Variants in FXR1 observed in about 807,000 individuals in gnomAD.
FXR1 encodes the protein RNA-binding protein FXR1.
FXR1 carries 15 observed loss-of-function variants against 84.0 expected under a neutral mutation model. The ratio of observed to expected loss-of-function variants is 0.18; its 90% CI spans 0.12 to 0.27. The LOEUF is 0.27. Among genes scored for constraint, FXR1 ranks in the 10% least tolerant of loss-of-function variants. The probability of loss-of-function intolerance (pLI) is 1.00; values close to 1 mark genes in which losing one functional copy is unlikely to be tolerated. For synonymous variants in FXR1, 245 were observed against 250.7 expected (o/e 0.98, Z 0.21); for missense variants, 480 against 774.4 (o/e 0.62, Z 4.51).
chr3:180,942,537 G>A (rs1721251490), intron 3 of FXR1, among the ~76,000 whole-genome samples: 1 of 152,068 alleles, frequency 6.6e-6, no homozygotes, highest in African/African-American at 2.4e-5. Flanking sequence ...TTTGACTTGG[G>A]ATCATTTGGT....
intron 9 of FXR1, among the ~76,000 whole-genome samples, chr3:180,954,976 T>C (rs1338708019): frequency 6.7e-6 from 1 of 150,314 alleles, no homozygotes; most frequent in Non-Finnish European, 1.5e-5. Flanking sequence ...TTAGTATTTA[T>C]GTAAAAATAA....
rs56345724 is a variant in FXR1, at chr3:180,970,383, A to AATATATAT, written c.1603+57_1603+64dup. On this transcript the variant is annotated intron_variant, in intron 15 of 16. Transcript: ENST00000357559. ...GGTATGTAAGCACTTAGGGAAGAGA[A>AATATATAT]ATATATATATATATATATATATATA... 5.5e-3 allele frequency: 2,039 copies of AATATATAT among 368,030 alleles called. 55 individuals carry two copies. The highest frequency in any genetic ancestry group is 0.013 in the African/African-American group (420 of 32,984). The allele number at this position is 368,030 out of a possible 1,614,324, so 22.8% of individuals were successfully genotyped here.
chr3:180,967,508 C>T (rs1712986460), intron 13 of FXR1, among the ~76,000 whole-genome samples: 1 of 151,128 alleles, frequency 6.6e-6, no homozygotes, highest in Non-Finnish European at 1.5e-5. Flanking sequence ...CCCAAATCAG[C>T]AGAAACATTT....
intron 1 of FXR1, among the ~76,000 whole-genome samples, chr3:180,928,453 A>C (rs1719490284): frequency 6.8e-6 from 1 of 146,346 alleles, no homozygotes; most frequent in African/African-American, 2.5e-5. Flanking sequence ...CCAAACACAT[A>C]CACACTGTTA....
chr3:180,951,439 G>A lies in FXR1; in HGVS notation c.772G>A (p.Asp258Asn), dbSNP rs1402140994. The A allele has an allele frequency of 6.2e-7, 1 of 1,613,534 alleles. No individual in the cohort carries two copies. The highest frequency in any genetic ancestry group is 1.7e-5 in the Admixed American group (1 of 60,002). ...PGVTAIELDE[D>N]TGTFRIYGES... ...AGTTACCGCCATTGAGCTAGATGAA[G>A]ATACTGGAACATTCAGAATCTACGG... Residue 258 changes from aspartate to asparagine, a missense_variant, in exon 8 of 17, where the codon GAT (aspartate) becomes AAT (asparagine). This residue lies in a region of FXR1 where 136 missense variants were observed against 315.4 expected (regional missense o/e 0.43). Transcript: ENST00000357559.
intron 10 of FXR1, 98 bp from the exon 11 acceptor site, chr3:180,961,358 AAAAAAAAAAGGT>A: frequency 2.3e-6 from 1 of 426,366 alleles, no homozygotes; most frequent in Admixed American, 3.7e-5. Context: ...AAAAAAAAAA[AAAAAAAAAAGGT>A]GTGTGTGTGT....
chr3:180,968,393 T>C (rs1302894543), intron 14 of FXR1, 139 bp downstream of exon 14: 8 of 630,074 alleles, frequency 1.3e-5, no homozygotes, highest in Non-Finnish European at 2.3e-5. Context: ...GTGGACCATA[T>C]AGCAGTATCA....
At chr3:180,935,325 CTA>C (rs892777318) in intron 3 of FXR1, 94 bp downstream of exon 3, 1 of 642,422 alleles carries the variant, frequency 1.6e-6, no homozygotes, top group African/African-American at 1.9e-5. Flanking sequence ...GAGGATAAAT[CTA>C]ATTCATTTTC....
chr3:180,973,620 TTATAAA>T (rs1490668072), intron 15 of FXR1, among the ~76,000 whole-genome samples: 1 of 152,242 alleles, frequency 6.6e-6, no homozygotes, highest in East Asian at 1.9e-4. Context: ...TTTAATGTAG[TTATAAA>T]TATATTAGCA....
At chr3:180,954,145 T>C in intron 9 of FXR1, 1 of 236,726 alleles carries the variant, frequency 4.2e-6, no homozygotes, top group Non-Finnish European at 8.2e-6. Context: ...TTCCCTATTA[T>C]TCTCACTCCT....
rs1378701154 is a variant in FXR1 at position 180,978,561 on chromosome 3, A to G, written c.*2269A>G. On this transcript the variant is annotated 3_prime_UTR_variant, in exon 17 of 17. Transcript: ENST00000357559. ...GATGTTGCTATGGGAAGAACTTGCC[A>G]CTATACACTAAACAGACACTTAAGC... is the stretch of plus-strand genomic sequence containing the variant. 2 of 152,098 alleles carry G rather than the reference A, an allele frequency of 1.3e-5. No individual in the cohort carries two copies. Among genetic ancestry groups the G allele is most frequent in the African/African-American group, 4.8e-5 (2 of 41,432 alleles). 9.4% of individuals were successfully genotyped at this position (152,098 alleles called of 1,614,324 possible).
rs114136149 is a variant in FXR1, at chr3:180,972,102, A to C, written c.1603+1744A>C. On this transcript the variant is annotated intron_variant, in intron 15 of 16. Coordinates refer to ENST00000357559, the MANE Select transcript of FXR1 (RefSeq NM_005087.4). ...TTTTAGAGCAATTAAATATTGTCAA[A>C]AAATAGAAAGTGTCCAGAAAATATT... Among the ~76,000 whole-genome samples the C allele has an allele frequency of 6.5e-3, 983 of 152,354 alleles. 4 individuals carry two copies. The highest frequency in any genetic ancestry group is 0.011 in the Non-Finnish European group (758 of 68,028).
intron 1 of FXR1, among the ~76,000 whole-genome samples, chr3:180,914,304 A>G (rs1352640185): frequency 6.6e-6 from 1 of 152,164 alleles, no homozygotes; most frequent in East Asian, 1.9e-4. Flanking sequence ...TAAGACGGCG[A>G]AAAGAATAGA....
At chr3:180,949,419 CT>C in intron 7 of FXR1, 76 bp downstream of exon 7, 1 of 800,674 alleles carries the variant, frequency 1.2e-6, no homozygotes, top group Non-Finnish European at 2.2e-6. Flanking sequence ...CAGATTCTGG[CT>C]CTGTTGCCCA....
intron 1 of FXR1, among the ~76,000 whole-genome samples, chr3:180,928,367 G>GC (rs1246021914): frequency 1.5e-4 from 6 of 40,468 alleles, no homozygotes; most frequent in Middle Eastern, 0.02. Flanking sequence ...TCCCATCCCA[G>GC]CCCCCCCACC....
chr3:180,959,220 G>C (rs895845342), intron 10 of FXR1, among the ~76,000 whole-genome samples: 4 of 152,084 alleles, frequency 2.6e-5, no homozygotes, highest in Non-Finnish European at 5.9e-5. Context: ...CGTTAATTCT[G>C]ATCCTAGCTT....
At chr3:180,973,983 A>T (rs1028198130) in intron 15 of FXR1, among the ~76,000 whole-genome samples, 9 of 152,336 alleles carry the variant, frequency 5.9e-5, no homozygotes, top group Admixed American at 5.9e-4. Context: ...TAAATAATTT[A>T]AAATTTACTG....
chr3:180,915,409 C>G, intron 1 of FXR1: 1 of 781,780 alleles, frequency 1.3e-6, no homozygotes, highest in Non-Finnish European at 2.0e-6. Context: ...CAGAACGTTA[C>G]GTATATAGAA....
At chr3:180,961,753 A>G (rs147915506) in intron 11 of FXR1, among the ~76,000 whole-genome samples, 199 bp downstream of exon 11, 13 of 152,334 alleles carry the variant, frequency 8.5e-5, no homozygotes, top group African/African-American at 2.9e-4. Context: ...GTCCTTTGTC[A>G]TCATAAAATG....
Sources: gnomAD v4.1 joint callset for allele counts (sites outside exome capture counted in the v4.1 genomes callset) on GRCh38, gnomAD v4.1.1 for gene constraint, gnomAD v4.1.1 regional missense constraint, MANE v1.5 for transcripts, NCBI Gene and HGNC (gene_info 2026-07-23, HGNC 2026-07-21) for gene names.